Variants in ARAP2 observed in about 807,000 individuals in gnomAD.
ARAP2 encodes the protein ArfGAP with RhoGAP domain, ankyrin repeat and PH domain 2.
ARAP2 carries 148 observed loss-of-function variants against 194.5 expected under a neutral mutation model. The observed-to-expected ratio is 0.76, with a 90% confidence interval of 0.67 to 0.87. The LOEUF (loss-of-function observed/expected upper bound fraction) is 0.87. Ranked by LOEUF, ARAP2 falls within the 40% of genes least tolerant of loss-of-function variation. ARAP2 has a pLI of 0.00. For missense variants in ARAP2, 2,128 were observed against 1,989.7 expected (o/e 1.07, Z -1.32); for synonymous variants, 695 against 683.5 (o/e 1.02, Z -0.26).
intron 17 of ARAP2, 139 bp downstream of exon 17, chr4:36,148,266 T>C (rs538291936): frequency 1.3e-5 from 8 of 600,232 alleles, no homozygotes; most frequent in African/African-American, 9.5e-5. Flanking sequence ...TTTTGACTAC[T>C]TTTTTTGAAA....
rs757000358 is a variant in ARAP2 at position 36,070,141 on chromosome 4, T to A, written c.4744-1863A>T. On this transcript the variant is annotated intron_variant, in intron 32 of 32. Coordinates refer to ENST00000303965, the MANE Select transcript of ARAP2 (RefSeq NM_015230.4). ...TCTTTATAGCAATGAGGGAATAGAC[T>A]AATACATCTATAATATTAGCCTAAA... Among the ~76,000 whole-genome samples, 30 of 152,192 alleles carry A rather than the reference T, an allele frequency of 2.0e-4. 1 individual carries two copies. Among genetic ancestry groups the A allele is most frequent in the Non-Finnish European group, 3.5e-4 (24 of 68,038 alleles).
At chr4:36,151,174 G>T in intron 15 of ARAP2, 130 bp from the exon 16 acceptor site, 1 of 833,220 alleles carries the variant, frequency 1.2e-6, no homozygotes, top group Non-Finnish European at 1.8e-6. Flanking sequence ...TTCACATAAA[G>T]TATATGTTAT....
chr4:36,173,690 G>GA lies in ARAP2; in HGVS notation c.1857+4136dup, dbSNP rs553590437. On this transcript the variant is annotated intron_variant, in intron 9 of 32. Transcript: ENST00000303965. ...AAAAAAATTTTAAAGCGAATTGGAGGAAAAAAAACTCTTCTGTGAAAATAA... is the reference window on the plus strand; with the variant it reads ...AAAAAAATTTTAAAGCGAATTGGAGGAAAAAAAAACTCTTCTGTGAAAATAA... 1.6e-3 allele frequency among the ~76,000 whole-genome samples: 243 copies of GA among 151,770 alleles called. 1 individual carries two copies. Among genetic ancestry groups the GA allele is most frequent in the African/African-American group, 2.3e-3 (97 of 41,382 alleles).
intron 28 of ARAP2, 62 bp from the exon 29 acceptor site, chr4:36,083,512 G>T: frequency 1.7e-6 from 2 of 1,154,178 alleles, no homozygotes; most frequent in Non-Finnish European, 2.4e-6. Context: ...CATTTTCTTT[G>T]AGCATTAATG....
intron 19 of ARAP2, among the ~76,000 whole-genome samples, chr4:36,146,191 T>C (rs1332800144): frequency 1.3e-5 from 2 of 151,940 alleles, no homozygotes; most frequent in South Asian, 2.1e-4. Flanking sequence ...CACCTCTAAC[T>C]TCACGAAACA....
chr4:36,126,147 AAG>A (rs1400903121), intron 21 of ARAP2, among the ~76,000 whole-genome samples: 10 of 152,144 alleles, frequency 6.6e-5, no homozygotes, highest in African/African-American at 2.4e-4. Context: ...CTCTATAAGA[AAG>A]AGGGGGAAAC....
At chr4:36,122,925 T>C (rs1280108600) in intron 22 of ARAP2, among the ~76,000 whole-genome samples, 3 of 151,700 alleles carry the variant, frequency 2.0e-5, no homozygotes, top group Admixed American at 6.6e-5. Flanking sequence ...TTCCCATCTA[T>C]GAAGAACACA....
intron 29 of ARAP2, 120 bp from the exon 30 acceptor site, chr4:36,082,406 A>G: frequency 1.0e-6 from 1 of 995,388 alleles, no homozygotes; most frequent in Non-Finnish European, 1.5e-6. Flanking sequence ...GACTTCCACA[A>G]GTGGTGATTC....
rs1730149786 is a variant in ARAP2 at position 36,148,389 on chromosome 4, C to A, written c.3000+16G>T. 6.3e-7 allele frequency: 1 copy of A among 1,589,240 alleles called. No homozygotes were observed. Among genetic ancestry groups the A allele is most frequent in the Non-Finnish European group, 8.6e-7 (1 of 1,159,272 alleles). On this transcript the variant is annotated intron_variant, in intron 17 of 32. Coordinates refer to ENST00000303965, the MANE Select transcript of ARAP2 (RefSeq NM_015230.4). ...ATCTTCTCTGGATTTAGAGCAGTAA[C>A]ATAATATTTAAATACCTTGGCTATT...
chr4:36,025,813 T>C (rs1560283457), intron 5 of ARAP2, among the ~76,000 whole-genome samples: 1 of 152,168 alleles, frequency 6.6e-6, no homozygotes, highest in East Asian at 1.9e-4. Context: ...ATTATATTTC[T>C]ATTCATGACT....
At chr4:36,075,588 C>A (rs1303033982) in intron 31 of ARAP2, among the ~76,000 whole-genome samples, 2 of 152,098 alleles carry the variant, frequency 1.3e-5, no homozygotes, top group Non-Finnish European at 1.5e-5. Flanking sequence ...CAATCCACCA[C>A]CACTCTTCTC....
In ARAP2 at chr4:36,210,573, G is replaced by C. The variant is rs1746539272; in HGVS notation, c.1304C>G (p.Ser435Cys). ...CAAAATCAAGGCTTTTTGAGTCCTAGATTTAGATGCCTTTGAATTTTTTCT... is the reference window on the plus strand; with the variant it reads ...CAAAATCAAGGCTTTTTGAGTCCTACATTTAGATGCCTTTGAATTTTTTCT... ...LRRKNSKASK[S>C]RTQKALILDS... Residue 435 changes from serine to cysteine, a missense_variant, in exon 6 of 33, where the codon TCT becomes TGT. Ser to Cys is a moderately radical substitution (Grantham distance 112). Coordinates refer to ENST00000303965, the MANE Select transcript of ARAP2 (RefSeq NM_015230.4). 6.8e-6 allele frequency: 11 copies of C among 1,613,852 alleles called. No individual in the cohort carries two copies. Among genetic ancestry groups the C allele is most frequent in the Non-Finnish European group, 7.6e-6 (9 of 1,179,846 alleles).
intron 9 of ARAP2, among the ~76,000 whole-genome samples, chr4:36,176,826 T>G (rs1201570549): frequency 2.0e-5 from 3 of 152,134 alleles, no homozygotes; most frequent in Non-Finnish European, 4.4e-5. Context: ...AGGATGCCTA[T>G]AGTTAATTGT....
rs55928665 is a variant in ARAP2 at position 36,182,930 on chromosome 4, T to C, written c.1678+4521A>G. Among the ~76,000 whole-genome samples, 522 of 152,244 alleles carry C rather than the reference T, an allele frequency of 3.4e-3. 3 individuals carry two copies. Among genetic ancestry groups the C allele is most frequent in the African/African-American group, 0.012 (494 of 41,530 alleles). ...TCAAGTAGGCTGCTGAATATATGAC[T>C]GTGGAGTACAGGAAGAGGTCAGGAT... On this transcript the variant is annotated intron_variant, in intron 8 of 32. Coordinates refer to ENST00000303965, the MANE Select transcript of ARAP2 (RefSeq NM_015230.4).
chr4:36,209,438 G>A (rs1273972514), intron 6 of ARAP2: 2 of 436,298 alleles, frequency 4.6e-6, no homozygotes, highest in Non-Finnish European at 9.1e-6. Context: ...AATATATAAG[G>A]TATTAACATA....
At chr4:36,074,938 C>G (rs1024222878) in intron 31 of ARAP2, among the ~76,000 whole-genome samples, 1 of 152,054 alleles carries the variant, frequency 6.6e-6, no homozygotes, top group South Asian at 2.1e-4. Flanking sequence ...TCTTACAGTG[C>G]AGATCCTTTA....
intron 13 of ARAP2, 128 bp downstream of exon 13, chr4:36,160,331 A>C (rs1388361831): frequency 8.0e-7 from 1 of 1,242,378 alleles, no homozygotes; most frequent in African/African-American, 1.6e-5. Flanking sequence ...ATAATGTCAC[A>C]AAAGGAAATA....
At chr4:36,031,017 C>T (rs1341821651) in intron 5 of ARAP2, among the ~76,000 whole-genome samples, 1 of 152,114 alleles carries the variant, frequency 6.6e-6, no homozygotes, top group African/African-American at 2.4e-5. Flanking sequence ...GTAGTCCCAG[C>T]TACTCGGGAG....
chr4:36,031,915 C>A (rs553724388), intron 5 of ARAP2, among the ~76,000 whole-genome samples: 2 of 152,212 alleles, frequency 1.3e-5, no homozygotes, highest in Admixed American at 1.3e-4. Flanking sequence ...GTGATCCACC[C>A]ACCTCGGCCT....
Sources: gnomAD v4.1 joint callset for allele counts (sites outside exome capture counted in the v4.1 genomes callset) on GRCh38, gnomAD v4.1.1 for gene constraint, MANE v1.5 for transcripts, NCBI Gene and HGNC (gene_info 2026-07-23, HGNC 2026-07-21) for gene names.